GRID2: variants seen among roughly 807,000 people sequenced by gnomAD.
GRID2 encodes glutamate receptor ionotropic, delta-2.
A neutral mutation model predicts 114.8 loss-of-function variants in GRID2; 33 were observed. The observed-to-expected ratio is 0.29, with a 90% CI of 0.22 to 0.38. The LOEUF is 0.38. Ranked by LOEUF, GRID2 falls within the 10% of genes least tolerant of loss-of-function variation. GRID2 has a pLI of 1.00. For missense variants in GRID2, 1,184 were observed against 1,257.7 expected (o/e 0.94, Z 0.89); for synonymous variants, 505 against 449.9 (o/e 1.12, Z -1.55).
intron 2 of GRID2, among the ~76,000 whole-genome samples, chr4:92,920,181 T>C (rs1749190277): frequency 6.6e-6 from 1 of 152,196 alleles, no homozygotes. Flanking sequence ...CTTGCCTTTT[T>C]TTGTTTTCCA....
intron 13 of GRID2, 89 bp downstream of exon 13, chr4:93,515,500 T>G: frequency 1.1e-6 from 1 of 871,464 alleles, no homozygotes; most frequent in South Asian, 1.7e-5. Flanking sequence ...TTTTGTTTTG[T>G]TTTTTGTTTT....
intron 8 of GRID2, among the ~76,000 whole-genome samples, chr4:93,371,193 G>A (rs1762872200): frequency 6.6e-6 from 1 of 152,118 alleles, no homozygotes; most frequent in African/African-American, 2.4e-5. Flanking sequence ...GACTATTAGG[G>A]TTGCTTGAAG....
At chr4:93,233,907 A>T (rs1746450671) in intron 7 of GRID2, among the ~76,000 whole-genome samples, 2 of 152,256 alleles carry the variant, frequency 1.3e-5, no homozygotes, top group Admixed American at 1.3e-4. Flanking sequence ...TAAAATAATG[A>T]TTCCTAGGTT....
intron 2 of GRID2, among the ~76,000 whole-genome samples, chr4:93,047,271 C>G (rs552660674): frequency 6.6e-6 from 1 of 151,978 alleles, no homozygotes; most frequent in South Asian, 2.1e-4. Flanking sequence ...GGAATTCTGG[C>G]ACAGAAAAAA....
At chr4:92,678,340 G>C (rs1733484506) in intron 2 of GRID2, among the ~76,000 whole-genome samples, 1 of 151,990 alleles carries the variant, frequency 6.6e-6, no homozygotes, top group African/African-American at 2.4e-5. Flanking sequence ...TCTGTTTGAT[G>C]TCTAAAACAA....
intron 2 of GRID2, among the ~76,000 whole-genome samples, chr4:92,683,111 A>G (rs150336675): frequency 2.6e-3 from 401 of 152,270 alleles, no homozygotes; most frequent in African/African-American, 9.2e-3. Flanking sequence ...CATCCTGGCT[A>G]ACACGGTGAA....
intron 1 of GRID2, among the ~76,000 whole-genome samples, chr4:92,526,029 C>T (rs550450758): frequency 6.6e-6 from 1 of 151,942 alleles, no homozygotes; most frequent in South Asian, 2.1e-4. Flanking sequence ...TTGTAGGAAG[C>T]TGATCAAGTT....
intron 2 of GRID2, among the ~76,000 whole-genome samples, chr4:92,704,176 G>A (rs1485079527): frequency 6.6e-6 from 1 of 152,140 alleles, no homozygotes; most frequent in Non-Finnish European, 1.5e-5. Context: ...TACTCAGGAG[G>A]TTGAGGCAGG....
At chr4:92,835,376 G>C (rs1438422263) in intron 2 of GRID2, among the ~76,000 whole-genome samples, 1 of 152,122 alleles carries the variant, frequency 6.6e-6, no homozygotes, top group Non-Finnish European at 1.5e-5. Context: ...AAAGTAGCTA[G>C]CAGTAGGTAG....
intron 13 of GRID2, among the ~76,000 whole-genome samples, chr4:93,540,284 G>C (rs1455484332): frequency 1.3e-5 from 2 of 151,888 alleles, no homozygotes; most frequent in Non-Finnish European, 2.9e-5. Flanking sequence ...TTTTGTTGTT[G>C]TCTTGGTTGT....
intron 4 of GRID2, among the ~76,000 whole-genome samples, chr4:93,148,077 A>T (rs1736416251): frequency 6.6e-6 from 1 of 152,170 alleles, no homozygotes; most frequent in Admixed American, 6.5e-5. Flanking sequence ...TGTTTGTGAC[A>T]AAATTGAATA....
At chr4:92,861,609 T>C (rs918008556) in intron 2 of GRID2, among the ~76,000 whole-genome samples, 1 of 152,104 alleles carries the variant, frequency 6.6e-6, no homozygotes, top group Non-Finnish European at 1.5e-5. Context: ...TTTTAAGCGA[T>C]AGGCATGGTA....
At chr4:92,391,657 G>A (rs1730243500) in intron 1 of GRID2, among the ~76,000 whole-genome samples, 1 of 152,176 alleles carries the variant, frequency 6.6e-6, no homozygotes, top group African/African-American at 2.4e-5. Flanking sequence ...ATAGACCACT[G>A]TGTGGATTAC....
At chr4:92,620,312 C>A (rs1730207534) in intron 2 of GRID2, among the ~76,000 whole-genome samples, 1 of 151,682 alleles carries the variant, frequency 6.6e-6, no homozygotes, top group South Asian at 2.1e-4. Flanking sequence ...GGTCAAAAAA[C>A]TGAAATAAAA....
intron 9 of GRID2, among the ~76,000 whole-genome samples, chr4:93,416,376 G>A (rs916333797): frequency 6.6e-6 from 1 of 152,120 alleles, no homozygotes; most frequent in South Asian, 2.1e-4. Context: ...GACAACTATT[G>A]TTTGCTTCAG....
At chr4:93,484,887 G>T (rs1368761052) in intron 11 of GRID2, among the ~76,000 whole-genome samples, 2 of 151,870 alleles carry the variant, frequency 1.3e-5, no homozygotes, top group Non-Finnish European at 2.9e-5. Flanking sequence ...TTATGACAAT[G>T]CTTCTACAAA....
chr4:92,530,576 G>C (rs1725294489), intron 1 of GRID2, among the ~76,000 whole-genome samples: 3 of 150,686 alleles, frequency 2.0e-5, no homozygotes, highest in Admixed American at 2.0e-4. Context: ...AATTTGTCTG[G>C]GTCCTTATTT....
intron 2 of GRID2, among the ~76,000 whole-genome samples, chr4:93,014,470 T>C (rs1460858011): frequency 1.3e-5 from 2 of 152,038 alleles, no homozygotes; most frequent in Non-Finnish European, 2.9e-5. Flanking sequence ...ACCAGGGTGG[T>C]AAATTGAGGC....
intron 2 of GRID2, among the ~76,000 whole-genome samples, chr4:92,798,249 T>G (rs1012244487): frequency 2.6e-5 from 4 of 152,024 alleles, no homozygotes; most frequent in Non-Finnish European, 5.9e-5. Context: ...TTGCCTAATA[T>G]CTAATAACTG....
Sources: allele counts gnomAD v4.1 joint callset (sites outside exome capture counted in the v4.1 genomes callset), GRCh38; gene constraint gnomAD v4.1.1; transcripts MANE v1.5; gene names NCBI Gene and HGNC (gene_info 2026-07-23, HGNC 2026-07-21).